Variants in WWOX observed in about 807,000 individuals in gnomAD.
The protein encoded by WWOX is WW domain containing oxidoreductase, also known as WW domain-containing oxidoreductase.
Under a neutral mutation model 46.2 loss-of-function variants are expected in WWOX, and 69 were observed. The observed-to-expected ratio is 1.49, with a 90% CI of 1.23 to 1.82. The LOEUF (loss-of-function observed/expected upper bound fraction) is 1.82, where lower values mean the gene tolerates loss of function less well. Among genes scored for constraint, WWOX ranks in the 40% most tolerant of loss-of-function variants. WWOX has a pLI of 0.00. For synonymous variants in WWOX, 359 were observed against 202.6 expected, an observed-to-expected ratio of 1.77 and a Z score of -6.56; for missense variants, 919 against 542.6, an observed-to-expected ratio of 1.69 and a Z score of -6.89.
intron 8 of WWOX, among the ~76,000 whole-genome samples, chr16:78,748,525 C>G (rs2049402308): frequency 6.6e-6 from 1 of 152,146 alleles, no homozygotes; most frequent in Non-Finnish European, 1.5e-5. Context: ...GGGTCTTGCC[C>G]CATCTTGGCA....
chr16:78,931,610 A>G (rs8049951), intron 8 of WWOX, among the ~76,000 whole-genome samples: 7,069 of 152,308 alleles, frequency 0.046, 455 homozygotes, highest in East Asian at 0.17. Flanking sequence ...GGAGGCACAT[A>G]TAAAAGTAAT....
chr16:78,195,666 A>G (rs996176225), intron 5 of WWOX, among the ~76,000 whole-genome samples: 2 of 151,992 alleles, frequency 1.3e-5, no homozygotes, highest in Non-Finnish European at 2.9e-5. Flanking sequence ...TACTAAAAAT[A>G]CAAAAATTAG....
intron 8 of WWOX, among the ~76,000 whole-genome samples, chr16:79,066,132 C>A (rs902483513): frequency 3.9e-5 from 6 of 152,150 alleles, no homozygotes; most frequent in Admixed American, 2.6e-4. Context: ...TGCCCAAGAA[C>A]CTTTTCATCT....
chr16:79,122,114 G>C (rs934864141), intron 8 of WWOX, among the ~76,000 whole-genome samples: 1 of 152,198 alleles, frequency 6.6e-6, no homozygotes, highest in Admixed American at 6.5e-5. Flanking sequence ...TGACGGGGCT[G>C]TTCCACCTCG....
At chr16:78,673,691 A>G (rs367810180) in intron 8 of WWOX, among the ~76,000 whole-genome samples, 1 of 152,230 alleles carries the variant, frequency 6.6e-6, no homozygotes, top group Non-Finnish European at 1.5e-5. Context: ...CAAATTGCCA[A>G]ACAAGTCAAG....
chr16:79,208,650 TAAG>T (rs2150854716), intron 8 of WWOX, among the ~76,000 whole-genome samples: 1 of 149,244 alleles, frequency 6.7e-6, no homozygotes, highest in East Asian at 2.0e-4. Flanking sequence ...TTAATCAGTT[TAAG>T]AATGCTTTCT....
intron 4 of WWOX, among the ~76,000 whole-genome samples, chr16:78,116,443 A>G (rs572430140): frequency 3.0e-4 from 46 of 152,312 alleles, no homozygotes; most frequent in African/African-American, 9.9e-4. Context: ...GAATTTTTTT[A>G]CTGTACTTGC....
intron 6 of WWOX, among the ~76,000 whole-genome samples, chr16:78,422,007 A>G (rs1194299613): frequency 1.3e-5 from 2 of 152,224 alleles, no homozygotes; most frequent in Admixed American, 6.5e-5. Flanking sequence ...TAGTATGAAT[A>G]AATATGCTAA....
chr16:78,418,488 C>G (rs2082849635), intron 6 of WWOX, among the ~76,000 whole-genome samples: 1 of 151,972 alleles, frequency 6.6e-6, no homozygotes, highest in South Asian at 2.1e-4. Flanking sequence ...CAGAGGCAGA[C>G]AAAGATATCA....
chr16:78,557,938 C>A (rs1163431855), intron 8 of WWOX, among the ~76,000 whole-genome samples: 3 of 152,066 alleles, frequency 2.0e-5, no homozygotes, highest in Admixed American at 2.0e-4. Context: ...CTCAGGTGAT[C>A]TGCCCACCTT....
chr16:78,222,569 C>G (rs1447803822), intron 5 of WWOX, among the ~76,000 whole-genome samples: 1 of 152,174 alleles, frequency 6.6e-6, no homozygotes, highest in African/African-American at 2.4e-5. Flanking sequence ...AGGCACAGCG[C>G]TAGTGTCAGC....
chr16:78,997,072 G>A (rs1319937228), intron 8 of WWOX, among the ~76,000 whole-genome samples: 1 of 152,024 alleles, frequency 6.6e-6, no homozygotes, highest in Non-Finnish European at 1.5e-5. Context: ...AGATTCCAAA[G>A]GCATCATACC....
intron 8 of WWOX, among the ~76,000 whole-genome samples, chr16:78,666,417 C>G (rs1259178800): frequency 6.6e-6 from 1 of 152,166 alleles, no homozygotes; most frequent in Non-Finnish European, 1.5e-5. Context: ...CAGAACAACC[C>G]AAGCCCCAGT....
chr16:79,072,407 C>G (rs1181739099), intron 8 of WWOX, among the ~76,000 whole-genome samples: 1 of 152,142 alleles, frequency 6.6e-6, no homozygotes, highest in African/African-American at 2.4e-5. Flanking sequence ...TCCACATGGA[C>G]AGAATTTCAT....
At chr16:78,366,379 C>G (rs1457062430) in intron 5 of WWOX, among the ~76,000 whole-genome samples, 2 of 152,192 alleles carry the variant, frequency 1.3e-5, no homozygotes, top group South Asian at 2.1e-4. Flanking sequence ...GACTGTTAGG[C>G]TGTTTTTTTA....
At chr16:78,609,354 C>T (rs1004507895) in intron 8 of WWOX, among the ~76,000 whole-genome samples, 11 of 151,908 alleles carry the variant, frequency 7.2e-5, no homozygotes, top group African/African-American at 2.7e-4. Context: ...ATTTTATTTT[C>T]TTGCTCAGAG....
At chr16:78,130,767 A>G (rs2033557902) in intron 4 of WWOX, among the ~76,000 whole-genome samples, 1 of 152,240 alleles carries the variant, frequency 6.6e-6, no homozygotes, top group Non-Finnish European at 1.5e-5. Context: ...ACTACTGAGT[A>G]CCAGGTGCTA....
intron 5 of WWOX, among the ~76,000 whole-genome samples, chr16:78,342,951 A>G (rs2081040824): frequency 8.3e-6 from 1 of 120,572 alleles, no homozygotes; most frequent in African/African-American, 2.8e-5. Context: ...TCACCTTGGG[A>G]TAGGCCCTTG....
intron 8 of WWOX, among the ~76,000 whole-genome samples, chr16:78,579,476 G>C (rs968237984): frequency 4.6e-5 from 7 of 152,130 alleles, no homozygotes; most frequent in Non-Finnish European, 8.8e-5. Context: ...CCTCTTAAGT[G>C]AATATAAACC....
Sources: allele counts gnomAD v4.1 joint callset (sites outside exome capture counted in the v4.1 genomes callset), GRCh38; gene constraint gnomAD v4.1.1; transcripts MANE v1.5; gene names NCBI Gene and HGNC (gene_info 2026-07-23, HGNC 2026-07-21).